IPO7: variants seen among roughly 807,000 people sequenced by gnomAD.
The protein encoded by IPO7 is importin 7, also known as importin-7.
IPO7 carries 13 observed loss-of-function variants against 136.4 expected under a neutral mutation model. The observed-to-expected ratio is 0.10, with a 90% confidence interval of 0.06 to 0.15. The LOEUF (loss-of-function observed/expected upper bound fraction) is 0.15. Ranked by LOEUF, IPO7 falls within the 10% of genes least tolerant of loss-of-function variation. The pLI, the probability that IPO7 is intolerant of heterozygous loss-of-function variation, is 1.00. For synonymous variants in IPO7, 403 were observed against 404.4 expected, an observed-to-expected ratio of 1.00 and a Z score of 0.04; for missense variants, 857 against 1,240.6, an observed-to-expected ratio of 0.69 and a Z score of 4.65.
intron 1 of IPO7, among the ~76,000 whole-genome samples, chr11:9,401,550 A>G (rs1241247258): frequency 8.6e-6 from 1 of 116,032 alleles, no homozygotes; most frequent in Non-Finnish European, 1.9e-5. Flanking sequence ...GCAACAAAGC[A>G]AACAAAAAAT....
chr11:9,406,503 T>A (rs1854890256), intron 2 of IPO7, among the ~76,000 whole-genome samples: 1 of 152,170 alleles, frequency 6.6e-6, no homozygotes, highest in Non-Finnish European at 1.5e-5. Context: ...GGAAATTGTT[T>A]TAGTGTGTAC....
At chr11:9,425,283 A>G (rs1376182394) in intron 12 of IPO7, 21 bp downstream of exon 12, 2 of 1,326,620 alleles carry the variant, frequency 1.5e-6, no homozygotes, top group Non-Finnish European at 2.2e-6. Flanking sequence ...GTGTGTTTGT[A>G]TGTGCATGAC....
intron 1 of IPO7, among the ~76,000 whole-genome samples, chr11:9,397,927 A>G (rs775118402): frequency 3.9e-5 from 6 of 152,224 alleles, no homozygotes; most frequent in Non-Finnish European, 8.8e-5. Context: ...TACTGAATCA[A>G]CTTGTTGAAG....
chr11:9,426,211 T>C (rs898694887), intron 12 of IPO7, among the ~76,000 whole-genome samples: 4 of 152,232 alleles, frequency 2.6e-5, no homozygotes, highest in African/African-American at 7.2e-5. Context: ...AGGCTACCTA[T>C]AGTCCACATT....
intron 7 of IPO7, 38 bp from the exon 8 acceptor site, chr11:9,420,576 A>G: frequency 6.4e-7 from 1 of 1,569,894 alleles, no homozygotes; most frequent in Non-Finnish European, 8.8e-7. Flanking sequence ...AGCATAAAGC[A>G]TTATAAAGAA....
chr11:9,417,083 A>C lies in IPO7; in HGVS notation c.661A>C (p.Asn221His). 6.4e-7 allele frequency: 1 copy of C among 1,554,180 alleles called. No individual in the cohort carries two copies. Among genetic ancestry groups the C allele is most frequent in the Non-Finnish European group, 8.9e-7 (1 of 1,127,332 alleles). Reference protein sequence around the residue: ...VQYTLPLELINQQNLTEWIEI... With the variant: ...VQYTLPLELIHQQNLTEWIEI... ...GTATACACTACCACTGGAACTGATAAACCAACAGAACCTGACAGAATGGAT... is the reference window on the plus strand; with the variant it reads ...GTATACACTACCACTGGAACTGATACACCAACAGAACCTGACAGAATGGAT... The change falls in exon 6 of 25, where the codon AAC (asparagine) becomes CAC (histidine). Residue 221 changes from asparagine to histidine, a missense_variant. By Grantham distance (68) the Asn-to-His change is moderately conservative. Transcript: ENST00000379719.
chr11:9,429,824 C>T lies in IPO7; in HGVS notation c.1742C>T (p.Thr581Ile). The change falls in exon 15 of 25, where the codon ACA becomes ATA. Residue 581 changes from threonine (T) to isoleucine (I), a missense_variant. Coordinates refer to ENST00000379719, the MANE Select transcript of IPO7 (RefSeq NM_006391.3). ...EEVTPIAVEM[T>I]QHLAMTFNQV... The stretch of plus-strand genomic sequence containing the variant: ...GTTACTCCTATTGCAGTAGAAATGA[C>T]ACAACATTTGGTATGTTGTTTGAAC... 6.3e-7 allele frequency: 1 copy of T among 1,591,390 alleles called. No homozygotes were observed. The highest frequency in any genetic ancestry group is 8.5e-7 in the Non-Finnish European group (1 of 1,171,672).
At position 9,408,650 on chromosome 11, in the gene IPO7, T is replaced by G; in HGVS notation, c.320+11T>G. 1 of 1,538,966 alleles carries G rather than the reference T, an allele frequency of 6.5e-7. No individual in the cohort carries two copies. The highest frequency in any genetic ancestry group is 1.3e-5 in the South Asian group (1 of 79,980). ...TCCTGAGCTCATCAGGTATGTATTT[T>G]TAAAATTTACCCATTTCTGCAGGTG... On this transcript the variant is annotated intron_variant, in intron 3 of 24. Transcript: ENST00000379719.
chr11:9,438,310 A>C (rs752321263), intron 22 of IPO7, 25 bp downstream of exon 22: 2 of 1,363,136 alleles, frequency 1.5e-6, no homozygotes, highest in Non-Finnish European at 1.0e-6. Context: ...ATGGAAGAAG[A>C]CAAAACTTAT....
intron 1 of IPO7, among the ~76,000 whole-genome samples, chr11:9,401,102 A>T (rs1854788617): frequency 6.6e-6 from 1 of 151,874 alleles, no homozygotes; most frequent in African/African-American, 2.4e-5. Context: ...AATTGCTTGA[A>T]CCTGGGAGGT....
At chr11:9,420,950 A>G (rs957057229) in intron 8 of IPO7, among the ~76,000 whole-genome samples, 2 of 152,184 alleles carry the variant, frequency 1.3e-5, no homozygotes, top group African/African-American at 4.8e-5. Flanking sequence ...TTAAAATATA[A>G]TAACAGGCCT....
intron 1 of IPO7, among the ~76,000 whole-genome samples, chr11:9,397,456 C>T (rs546360694): frequency 1.4e-5 from 2 of 148,098 alleles, no homozygotes; most frequent in African/African-American, 5.0e-5. Context: ...GTCTTGATCT[C>T]GTGACCTCAG....
intron 22 of IPO7, among the ~76,000 whole-genome samples, chr11:9,439,960 A>G (rs1855438455): frequency 6.6e-6 from 1 of 152,248 alleles, no homozygotes; most frequent in African/African-American, 2.4e-5. Flanking sequence ...CCATCCTATC[A>G]TCTATTAATT....
intron 12 of IPO7, among the ~76,000 whole-genome samples, chr11:9,425,982 G>T (rs1230490488): frequency 6.6e-6 from 1 of 151,898 alleles, no homozygotes; most frequent in Non-Finnish European, 1.5e-5. Flanking sequence ...GGAGGCGGAG[G>T]CTGCAGTGAG....
chr11:9,394,128 C>T (rs772069347), intron 1 of IPO7, among the ~76,000 whole-genome samples: 1 of 152,160 alleles, frequency 6.6e-6, no homozygotes, highest in Non-Finnish European at 1.5e-5. Flanking sequence ...CCGCCCTCCT[C>T]GGCCTCCCAA....
At chr11:9,407,298 A>G (rs771890685) in intron 2 of IPO7, among the ~76,000 whole-genome samples, 6 of 152,180 alleles carry the variant, frequency 3.9e-5, no homozygotes, top group Non-Finnish European at 7.4e-5. Context: ...GCTCACGCCT[A>G]TAATCCCAGA....
intron 21 of IPO7, 36 bp from the exon 22 acceptor site, chr11:9,438,044 A>ATTTTT: frequency 9.7e-7 from 1 of 1,035,546 alleles, no homozygotes; most frequent in Admixed American, 2.9e-5. Flanking sequence ...AAAAGAAAAC[A>ATTTTT]GTTTTTTTTT....
At chr11:9,429,337 A>C in intron 14 of IPO7, 141 bp downstream of exon 14, 1 of 708,534 alleles carries the variant, frequency 1.4e-6, no homozygotes, top group Non-Finnish European at 2.3e-6. Context: ...CAACATCTCT[A>C]CAAAAAAAAT....
rs187707111 is a variant in IPO7, at chr11:9,444,860, T to G, written c.3020-237T>G. Among the ~76,000 whole-genome samples, 589 of 151,860 alleles carry G rather than the reference T, an allele frequency of 3.9e-3. 1 individual carries two copies. The highest frequency in any genetic ancestry group is 0.014 in the African/African-American group (570 of 41,404). ...TCAAAAAAAAAAAAAAAAAAAGATTTTTTTCTTAACAGTGGGAAGTGAAAA... is the reference window on the plus strand; with the variant it reads ...TCAAAAAAAAAAAAAAAAAAAGATTGTTTTCTTAACAGTGGGAAGTGAAAA... On this transcript the variant is annotated intron_variant, in intron 24 of 24. Transcript: ENST00000379719.
Sources: gnomAD v4.1 joint callset for allele counts (sites outside exome capture counted in the v4.1 genomes callset) on GRCh38, gnomAD v4.1.1 for gene constraint, MANE v1.5 for transcripts, NCBI Gene and HGNC (gene_info 2026-07-23, HGNC 2026-07-21) for gene names.